Variants in MDFIC observed in about 807,000 individuals in gnomAD.
The protein encoded by MDFIC is myoD family inhibitor domain-containing protein.
Under a neutral mutation model 23.2 loss-of-function variants are expected in MDFIC, and 17 were observed. The ratio of observed to expected loss-of-function variants is 0.73; its 90% CI spans 0.50 to 1.10. MDFIC has a LOEUF of 1.10. Among genes scored for constraint, MDFIC ranks in the 50% least tolerant of loss-of-function variants. MDFIC has a pLI of 0.00. For missense variants in MDFIC, 356 were observed against 316.6 expected (o/e 1.12, Z -0.95); for synonymous variants, 120 against 115.2 (o/e 1.04, Z -0.27).
intron 3 of MDFIC, among the ~76,000 whole-genome samples, chr7:114,944,808 C>T (rs1792614011): frequency 6.6e-6 from 1 of 152,170 alleles, no homozygotes; most frequent in South Asian, 2.1e-4. Context: ...CTCAGAGCTT[C>T]ATGGGAGGAG....
chr7:114,986,647 T>G (rs1793519847), intron 4 of MDFIC, among the ~76,000 whole-genome samples: 1 of 151,000 alleles, frequency 6.6e-6, no homozygotes, highest in Non-Finnish European at 1.5e-5. Flanking sequence ...TGAATGCCTT[T>G]GTTTCTCCTC....
At chr7:114,958,417 A>T (rs757959238) in intron 3 of MDFIC, among the ~76,000 whole-genome samples, 2 of 152,204 alleles carry the variant, frequency 1.3e-5, no homozygotes, top group Non-Finnish European at 2.9e-5. Flanking sequence ...TTTACTCTGA[A>T]ATTGATGAAG....
At chr7:114,938,413 GT>G (rs1192970574) in intron 2 of MDFIC, among the ~76,000 whole-genome samples, 2 of 152,046 alleles carry the variant, frequency 1.3e-5, no homozygotes, top group Non-Finnish European at 2.9e-5. Context: ...ATATACCTAA[GT>G]TTTTTTTAAA....
chr7:114,968,221 A>G (rs1354816522), intron 3 of MDFIC, among the ~76,000 whole-genome samples: 2 of 152,212 alleles, frequency 1.3e-5, no homozygotes, highest in African/African-American at 4.8e-5. Flanking sequence ...GTTTAAAATT[A>G]TCTTGCTACT....
At chr7:114,935,798 C>CTACAGCTGTAGTTGTAAAAAA (rs1792413339) in intron 2 of MDFIC, among the ~76,000 whole-genome samples, 1 of 151,972 alleles carries the variant, frequency 6.6e-6, no homozygotes, top group Non-Finnish European at 1.5e-5. Context: ...AAAAAAATAA[C>CTACAGCTGTAGTTGTAAAAAA]ATACAGCTAC....
At chr7:114,941,426 C>T (rs1338056331) in intron 2 of MDFIC, among the ~76,000 whole-genome samples, 3 of 152,172 alleles carry the variant, frequency 2.0e-5, no homozygotes, top group African/African-American at 7.2e-5. Flanking sequence ...GGAACCTTTG[C>T]CCAAACGTCT....
rs1008464653 is a variant in MDFIC at position 115,013,865 on chromosome 7, A to T, written c.494-1823A>T. The T allele has an allele frequency of 2.1e-5, 9 of 437,660 alleles. No individual in the cohort carries two copies. The South Asian group carries it at 3.9e-4, about 19-fold the overall frequency. 27.1% of individuals were successfully genotyped at this position (437,660 alleles called of 1,614,324 possible). ...TAAGGTCATGGGCCTTTATTCATGT[A>T]GGTGGATTTTAGAGATCCCCTGAAA... On this transcript the variant is annotated intron_variant, in intron 4 of 4. Transcript: ENST00000393486.
chr7:115,011,773 G>A (rs1791686820), intron 4 of MDFIC, among the ~76,000 whole-genome samples: 1 of 152,176 alleles, frequency 6.6e-6, no homozygotes, highest in South Asian at 2.1e-4. Context: ...GCAACTAGTG[G>A]TTTAGTTTGG....
chr7:115,018,570 A>G lies in MDFIC; in HGVS notation c.*2635A>G, dbSNP rs1221517368. 6.6e-6 allele frequency: 1 copy of G among 152,442 alleles called. No individual in the cohort carries two copies. The highest frequency in any genetic ancestry group is 2.4e-5 in the African/African-American group (1 of 41,442). The allele number at this position is 152,442 out of a possible 1,614,324, so 9.4% of individuals were successfully genotyped here. ...GTAGGCAAATGTGAAAATAGTTTCA[A>G]TATATCTTATGATTTCTTAATGTAA... On this transcript the variant is annotated 3_prime_UTR_variant, in exon 5 of 5. Transcript: ENST00000393486.
At chr7:114,961,252 T>C (rs573062397) in intron 3 of MDFIC, among the ~76,000 whole-genome samples, 2 of 152,298 alleles carry the variant, frequency 1.3e-5, no homozygotes, top group Admixed American at 1.3e-4. Flanking sequence ...ATGATGGCCA[T>C]GAACCAGAGA....
At chr7:114,963,847 TG>T (rs1435598324) in intron 3 of MDFIC, among the ~76,000 whole-genome samples, 2 of 152,218 alleles carry the variant, frequency 1.3e-5, no homozygotes, top group Non-Finnish European at 2.9e-5. Flanking sequence ...TCCAAAGTGC[TG>T]GGATTACAGG....
At chr7:114,961,632 G>A (rs1195520675) in intron 3 of MDFIC, among the ~76,000 whole-genome samples, 1 of 152,136 alleles carries the variant, frequency 6.6e-6, no homozygotes, top group Non-Finnish European at 1.5e-5. Flanking sequence ...TGCTGGGGAG[G>A]CCTCAGAAAA....
chr7:114,986,034 T>G (rs1262370859), intron 4 of MDFIC, among the ~76,000 whole-genome samples: 1 of 46,534 alleles, frequency 2.1e-5, no homozygotes, highest in African/African-American at 8.3e-5. Flanking sequence ...CCTTTGCAGT[T>G]TTTTTTTTTT....
intron 3 of MDFIC, among the ~76,000 whole-genome samples, chr7:114,974,892 T>A (rs1321568929): frequency 6.6e-6 from 1 of 152,070 alleles, no homozygotes; most frequent in Non-Finnish European, 1.5e-5. Context: ...ATATTAAAAT[T>A]ACAATCATGC....
chr7:114,923,030 G>T lies in MDFIC; in HGVS notation c.-4G>T, dbSNP rs1170548439. 5.1e-6 allele frequency: 7 copies of T among 1,385,826 alleles called. No homozygotes were observed. Among genetic ancestry groups the T allele is most frequent in the Admixed American group, 7.7e-5 (2 of 25,984 alleles). 85.8% of individuals were successfully genotyped at this position (1,385,826 alleles called of 1,614,324 possible). ...GGCGCGGCGCGGGCTCGGCGGAGCG[G>T]CCCATGTCCGGCGCGGGCGAAGCCC... On this transcript the variant is annotated 5_prime_UTR_variant, in exon 2 of 5. Coordinates refer to ENST00000393486, the MANE Select transcript of MDFIC (RefSeq NM_001166345.3).
In MDFIC at chr7:115,016,842, T is replaced by C. The variant is rs976877393; in HGVS notation, c.*907T>C. On this transcript the variant is annotated 3_prime_UTR_variant, in exon 5 of 5. Coordinates refer to ENST00000393486, the MANE Select transcript of MDFIC (RefSeq NM_001166345.3). ...CTCTTCCTCAGACTGTGGGGACAGATACAATTCCACTCCTGTCCACAGGAA... is the reference window on the plus strand; with the variant it reads ...CTCTTCCTCAGACTGTGGGGACAGACACAATTCCACTCCTGTCCACAGGAA... The C allele has an allele frequency of 2.6e-5, 4 of 152,224 alleles. No individual in the cohort carries two copies. Among genetic ancestry groups the C allele is most frequent in the Admixed American group, 2.6e-4 (4 of 15,266 alleles). 9.4% of individuals were successfully genotyped at this position (152,224 alleles called of 1,614,324 possible).
intron 4 of MDFIC, among the ~76,000 whole-genome samples, chr7:114,991,929 G>A (rs1055773489): frequency 8.5e-5 from 13 of 152,090 alleles, no homozygotes; most frequent in African/African-American, 2.9e-4. Flanking sequence ...GAATCTATAA[G>A]TTACCTTAGG....
intron 3 of MDFIC, among the ~76,000 whole-genome samples, chr7:114,969,876 T>C (rs1487671728): frequency 6.6e-6 from 1 of 152,212 alleles, no homozygotes; most frequent in East Asian, 1.9e-4. Flanking sequence ...CTCTAGGTGA[T>C]GTTTGTTCCT....
At chr7:114,990,249 C>T (rs1201356606) in intron 4 of MDFIC, among the ~76,000 whole-genome samples, 5 of 152,080 alleles carry the variant, frequency 3.3e-5, no homozygotes, top group African/African-American at 1.2e-4. Context: ...TGATTCTGAT[C>T]ATTTTTGATC....
Sources: allele counts gnomAD v4.1 joint callset (sites outside exome capture counted in the v4.1 genomes callset), GRCh38; gene constraint gnomAD v4.1.1; transcripts MANE v1.5; gene names NCBI Gene and HGNC (gene_info 2026-07-23, HGNC 2026-07-21).